ESCO1: variants seen among roughly 807,000 people sequenced by gnomAD.
ESCO1 encodes establishment of sister chromatid cohesion N-acetyltransferase 1.
In ESCO1, 33 loss-of-function variants were observed where a neutral mutation model predicts 83.5. The ratio of observed to expected loss-of-function variants is 0.40; its 90% CI spans 0.30 to 0.53. ESCO1 has a LOEUF of 0.53. ESCO1 is among the 20% of genes least tolerant of loss of function. ESCO1 has a pLI of 0.63. For synonymous variants in ESCO1, 332 were observed against 324.3 expected, an observed-to-expected ratio of 1.02 and a Z score of -0.25; for missense variants, 855 against 968.0, an observed-to-expected ratio of 0.88 and a Z score of 1.55.
chr18:21,541,930 T>C (rs2037913235), intron 8 of ESCO1, among the ~76,000 whole-genome samples: 1 of 152,216 alleles, frequency 6.6e-6, no homozygotes, highest in African/African-American at 2.4e-5. Flanking sequence ...CATGTCATTA[T>C]ATTGCATTAT....
intron 2 of ESCO1, among the ~76,000 whole-genome samples, chr18:21,582,623 A>G (rs1176413041): frequency 6.6e-6 from 1 of 152,242 alleles, no homozygotes; most frequent in African/African-American, 2.4e-5. Flanking sequence ...AAAACTGGGG[A>G]AAAATACTGG....
At chr18:21,595,652 A>T (rs2038754266) in intron 1 of ESCO1, among the ~76,000 whole-genome samples, 1 of 146,874 alleles carries the variant, frequency 6.8e-6, no homozygotes, top group African/African-American at 2.5e-5. Flanking sequence ...GGGGCAACAG[A>T]GCGAGACTCC....
chr18:21,595,083 G>C (rs2038742724), intron 1 of ESCO1, among the ~76,000 whole-genome samples: 1 of 151,782 alleles, frequency 6.6e-6, no homozygotes, highest in East Asian at 1.9e-4. Context: ...CTGGGTTCAA[G>C]CGATCCACCT....
chr18:21,560,998 C>CA lies in ESCO1; in HGVS notation c.1822-9dup. On this transcript the variant is annotated splice_polypyrimidine_tract_variant and intron_variant, in intron 7 of 11. Coordinates refer to ENST00000269214, the MANE Select transcript of ESCO1 (RefSeq NM_052911.3). ...TCTTTTTTGTCCTGCATCCTATTTA[C>CA]AAAAAACACACAAAAGTTTTTTTCC... 2 of 1,573,652 alleles carry CA rather than the reference C, an allele frequency of 1.3e-6. No homozygotes were observed. Among genetic ancestry groups the CA allele is most frequent in the South Asian group, 1.2e-5 (1 of 82,486 alleles).
chr18:21,546,269 G>T (rs146835770), intron 8 of ESCO1, among the ~76,000 whole-genome samples: 185 of 152,174 alleles, frequency 1.2e-3, no homozygotes, highest in African/African-American at 4.1e-3. Context: ...ACAAAAACAG[G>T]CCTGGTGCAG....
chr18:21,550,921 G>C (rs2038037780), intron 8 of ESCO1, among the ~76,000 whole-genome samples: 1 of 151,676 alleles, frequency 6.6e-6, no homozygotes, highest in Admixed American at 6.6e-5. Context: ...GACCATCCTG[G>C]CTAACATGGT....
At chr18:21,558,266 G>A (rs901947515) in intron 8 of ESCO1, among the ~76,000 whole-genome samples, 2 of 152,002 alleles carry the variant, frequency 1.3e-5, no homozygotes, top group African/African-American at 2.4e-5. Flanking sequence ...GGGGTAAAAT[G>A]AAAGAATACA....
intron 1 of ESCO1, among the ~76,000 whole-genome samples, chr18:21,588,969 C>T (rs538908227): frequency 7.3e-5 from 11 of 150,686 alleles, no homozygotes; most frequent in African/African-American, 2.2e-4. Flanking sequence ...CGGCTGGGCG[C>T]GGTGGCTCAC....
chr18:21,538,407 C>A (rs1426415231), intron 9 of ESCO1, among the ~76,000 whole-genome samples: 1 of 151,600 alleles, frequency 6.6e-6, no homozygotes, highest in Non-Finnish European at 1.5e-5. Context: ...AACATTAATT[C>A]AACAAGAATT....
chr18:21,540,610 G>A (rs766270430), intron 8 of ESCO1: 13 of 1,339,526 alleles, frequency 9.7e-6, no homozygotes, highest in East Asian at 9.3e-5. Flanking sequence ...GAGAAGCTAC[G>A]TTGTGTGTAT....
intron 1 of ESCO1, among the ~76,000 whole-genome samples, chr18:21,600,405 AGCTGCCT>A (rs2038827615): frequency 1.3e-5 from 2 of 152,224 alleles, no homozygotes; most frequent in Non-Finnish European, 2.9e-5. Context: ...CGAGCACGTT[AGCTGCCT>A]ACCTCAAGCG....
intron 6 of ESCO1, among the ~76,000 whole-genome samples, chr18:21,565,420 A>G (rs1240824171): frequency 1.3e-5 from 2 of 152,238 alleles, no homozygotes; most frequent in Non-Finnish European, 1.5e-5. Context: ...ATTCTCAAAC[A>G]CTATTGAGAC....
rs1451824994 is a variant in ESCO1, at chr18:21,575,234, C to T, written c.-391G>A. ...TACTGGAGGAGTTATTTATCAGTGACCTGTTTTGATAAAATTTTTGAAAAC... is the reference window on the plus strand; with the variant it reads ...TACTGGAGGAGTTATTTATCAGTGATCTGTTTTGATAAAATTTTTGAAAAC... On this transcript the variant is annotated 5_prime_UTR_variant, in exon 4 of 12. Coordinates refer to ENST00000269214, the MANE Select transcript of ESCO1 (RefSeq NM_052911.3). The T allele has an allele frequency of 2.6e-6, 1 of 385,044 alleles. No homozygotes were observed. The highest frequency in any genetic ancestry group is 2.1e-5 in the African/African-American group (1 of 48,324). 23.9% of individuals were successfully genotyped at this position (385,044 alleles called of 1,614,324 possible). A position where few individuals can be genotyped will look rare whatever the true frequency, so the allele number is the denominator to read the frequency against.
chr18:21,581,558 G>A (rs2038502929), intron 2 of ESCO1, among the ~76,000 whole-genome samples: 1 of 150,066 alleles, frequency 6.7e-6, no homozygotes, highest in Non-Finnish European at 1.5e-5. Flanking sequence ...TTGCAATGAG[G>A]TGAGATGGCG....
intron 8 of ESCO1, among the ~76,000 whole-genome samples, chr18:21,544,228 C>T (rs868071999): frequency 1.3e-4 from 19 of 151,638 alleles, no homozygotes; most frequent in Middle Eastern, 3.4e-3. Flanking sequence ...GAGCCGAGAT[C>T]GCGCCACTGC....
chr18:21,539,202 CA>C (rs1047731041), intron 9 of ESCO1, among the ~76,000 whole-genome samples: 2 of 152,164 alleles, frequency 1.3e-5, no homozygotes, highest in African/African-American at 4.8e-5. Context: ...TCCCCTTCTG[CA>C]ATAAGCTTTT....
At chr18:21,576,762 C>T (rs2038423742) in intron 2 of ESCO1, among the ~76,000 whole-genome samples, 1 of 151,874 alleles carries the variant, frequency 6.6e-6, no homozygotes. Context: ...AGGCCGGGTG[C>T]GGTGGCTCAC....
At chr18:21,558,431 G>A (rs928341506) in intron 8 of ESCO1, among the ~76,000 whole-genome samples, 1 of 152,044 alleles carries the variant, frequency 6.6e-6, no homozygotes, top group Non-Finnish European at 1.5e-5. Flanking sequence ...TCTACAGAAT[G>A]TTTGATTAAA....
At chr18:21,586,759 T>C (rs1452979840) in intron 1 of ESCO1, among the ~76,000 whole-genome samples, 3 of 152,164 alleles carry the variant, frequency 2.0e-5, no homozygotes, top group Non-Finnish European at 4.4e-5. Flanking sequence ...CCAGTCTACC[T>C]TGGCTAGAAC....
Sources: gnomAD v4.1 joint callset for allele counts (sites outside exome capture counted in the v4.1 genomes callset) on GRCh38, gnomAD v4.1.1 for gene constraint, MANE v1.5 for transcripts, NCBI Gene and HGNC (gene_info 2026-07-23, HGNC 2026-07-21) for gene names.